The following OPA1 variants were observed in gnomAD, a reference collection of about 807,000 sequenced individuals.
The protein encoded by OPA1 is dynamin-like GTPase OPA1, mitochondrial.
OPA1 carries 59 observed loss-of-function variants against 152.9 expected under a neutral mutation model. The ratio of observed to expected loss-of-function variants is 0.39; its 90% CI spans 0.31 to 0.48. The LOEUF (loss-of-function observed/expected upper bound fraction) is 0.48, where lower values mean the gene tolerates loss of function less well. Ranked by LOEUF, OPA1 falls within the 20% of genes least tolerant of loss-of-function variation. OPA1 has a pLI of 0.96. For synonymous variants in OPA1, 400 were observed against 389.9 expected, an observed-to-expected ratio of 1.03 and a Z score of -0.31; for missense variants, 1,008 against 1,216.8, an observed-to-expected ratio of 0.83 and a Z score of 2.55.
At chr3:193,648,551 C>A in intron 20 of OPA1, 1 of 458,054 alleles carries the variant, frequency 2.2e-6, no homozygotes, top group East Asian at 4.3e-5. Flanking sequence ...ATAACGTGAA[C>A]AAGTGTTATG....
rs1435891444 is a variant in OPA1, at chr3:193,647,957, A to G, written c.1871-113A>G. ...AGATCCCAGAGTACTAAGGGGTCAT[A>G]GGCGCACTCTCAGAAATTCAGTTAA... On this transcript the variant is annotated intron_variant, in intron 19 of 30. Coordinates refer to ENST00000361510, the MANE Select transcript of OPA1 (RefSeq NM_130837.3). The G allele has an allele frequency of 4.0e-6, 3 of 756,736 alleles. No individual in the cohort carries two copies. In the African/African-American group the frequency reaches 5.2e-5, roughly 13 times the overall value. 46.9% of individuals were successfully genotyped at this position (756,736 alleles called of 1,614,324 possible).
chr3:193,629,358 A>C (rs1731705130), intron 7 of OPA1, among the ~76,000 whole-genome samples: 1 of 152,192 alleles, frequency 6.6e-6, no homozygotes, highest in Non-Finnish European at 1.5e-5. Flanking sequence ...AAATTTATAA[A>C]CATCTTAACA....
At chr3:193,693,052 T>C (rs1037135689) in intron 30 of OPA1, among the ~76,000 whole-genome samples, 1 of 152,276 alleles carries the variant, frequency 6.6e-6, no homozygotes. Flanking sequence ...TTTGTCACTT[T>C]TGTCTGTGAC....
intron 21 of OPA1, among the ~76,000 whole-genome samples, chr3:193,650,241 A>G (rs1560384820): frequency 6.6e-6 from 1 of 152,208 alleles, no homozygotes; most frequent in East Asian, 1.9e-4. Flanking sequence ...CAGATTGCCC[A>G]TTGAAAAGGC....
chr3:193,665,375 G>A (rs191260596), intron 27 of OPA1, among the ~76,000 whole-genome samples: 1 of 152,110 alleles, frequency 6.6e-6, no homozygotes, highest in Non-Finnish European at 1.5e-5. Flanking sequence ...GAGACAGAGA[G>A]GGAAAGAGAA....
chr3:193,641,572 G>A (rs1274100918), intron 11 of OPA1, among the ~76,000 whole-genome samples: 1 of 152,184 alleles, frequency 6.6e-6, no homozygotes, highest in Non-Finnish European at 1.5e-5. Context: ...TCAACCCAGT[G>A]AAACTGCTAC....
intron 29 of OPA1, among the ~76,000 whole-genome samples, chr3:193,681,087 T>C (rs1339445547): frequency 6.6e-6 from 1 of 152,154 alleles, no homozygotes; most frequent in Admixed American, 6.5e-5. Flanking sequence ...TGAAAATAAG[T>C]ATTGTAGGAA....
At chr3:193,609,905 T>C (rs557385517) in intron 1 of OPA1, among the ~76,000 whole-genome samples, 2 of 152,340 alleles carry the variant, frequency 1.3e-5, no homozygotes, top group South Asian at 4.1e-4. Flanking sequence ...CTTTAAGGAC[T>C]TCTCTGCATT....
intron 6 of OPA1, among the ~76,000 whole-genome samples, chr3:193,625,161 T>C (rs1455792780): frequency 6.6e-6 from 1 of 152,112 alleles, no homozygotes; most frequent in Non-Finnish European, 1.5e-5. Flanking sequence ...AATAAAGCTA[T>C]GCAGGAAATG....
At chr3:193,594,540 A>T (rs911424673) in intron 1 of OPA1, among the ~76,000 whole-genome samples, 16 of 152,306 alleles carry the variant, frequency 1.1e-4, no homozygotes, top group African/African-American at 3.6e-4. Flanking sequence ...GGCACGCGCC[A>T]GCACGCCTAG....
rs142520373 is a variant in OPA1 at position 193,647,072 on chromosome 3, A to G, written c.1762A>G (p.Met588Val). The part of the protein sequence containing the change: ...FQNSKLLKTS[M>V]LKAHQVTTRN... ...GTTATTTTTTTTTAATAGGACAAGC[A>G]TGCTAAAGGCACACCAAGTGACTAC... is the stretch of plus-strand genomic sequence containing the variant. Residue 588 changes from methionine (M) to valine (V), a missense_variant, in exon 19 of 31, where the codon ATG (methionine) becomes GTG (valine). Around this residue, in one of 7 missense-constraint regions of OPA1, gnomAD observed 213 missense variants for 291.4 expected, o/e 0.73. Transcript: ENST00000361510. 20 of 1,607,894 alleles carry G rather than the reference A, an allele frequency of 1.2e-5. No individual in the cohort carries two copies. Among genetic ancestry groups the G allele is most frequent in the Non-Finnish European group, 1.7e-5 (20 of 1,175,964 alleles).
At chr3:193,634,033 C>G (rs1247911011) in intron 8 of OPA1, among the ~76,000 whole-genome samples, 2 of 152,102 alleles carry the variant, frequency 1.3e-5, no homozygotes, top group African/African-American at 4.8e-5. Context: ...AGGATAGAAC[C>G]ATGATTTCCT....
At position 193,654,727 on chromosome 3, in the gene OPA1, G is replaced by A. The variant is rs1215752550; in HGVS notation, c.2013-135G>A. 11 of 842,292 alleles carry A rather than the reference G, an allele frequency of 1.3e-5. No individual in the cohort carries two copies. The South Asian group carries it at 1.8e-4, about 14-fold the overall frequency. The allele number at this position is 842,292 out of a possible 1,614,324, so 52.2% of individuals were successfully genotyped here. ...TTATCTTGACTGGTGCGATTTACAGGTATATACACATGTGAAAACTTATCA... is the reference window on the plus strand; with the variant it reads ...TTATCTTGACTGGTGCGATTTACAGATATATACACATGTGAAAACTTATCA... On this transcript the variant is annotated intron_variant, in intron 21 of 30. Transcript: ENST00000361510.
chr3:193,681,606 G>C (rs1024145638), intron 29 of OPA1, among the ~76,000 whole-genome samples: 1 of 152,176 alleles, frequency 6.6e-6, no homozygotes, highest in Admixed American at 6.5e-5. Context: ...AACAATAGAA[G>C]TTTTGTGGCA....
intron 22 of OPA1, 26 bp downstream of exon 22, chr3:193,655,053 G>A (rs1217720588): frequency 1.2e-6 from 2 of 1,602,888 alleles, no homozygotes; most frequent in Admixed American, 1.7e-5. Context: ...AATTAAATGG[G>A]TAAGAAGCAT....
At position 193,641,255 on chromosome 3, in the gene OPA1, G is replaced by A. The variant is rs1161555443; in HGVS notation, c.1150-1510G>A. ...AGGTTTCCTTGAAACAGATGAGGCT[G>A]GTCTCTTTCCGGTTTGTCATTAGTC... On this transcript the variant is annotated intron_variant, in intron 11 of 30. Coordinates refer to ENST00000361510, the MANE Select transcript of OPA1 (RefSeq NM_130837.3). Among the ~76,000 whole-genome samples the A allele has an allele frequency of 2.6e-5, 4 of 152,092 alleles. No homozygotes were observed. The East Asian group carries it at 7.7e-4, about 29-fold the overall frequency.
chr3:193,655,034 A>G lies in OPA1; in HGVS notation c.2178+7A>G, dbSNP rs940408484. On this transcript the variant is annotated splice_region_variant and intron_variant, in intron 22 of 30. Coordinates refer to ENST00000361510, the MANE Select transcript of OPA1 (RefSeq NM_130837.3). ...TCCTAATAAAGCAGTAGAGGTTAGG[A>G]TATAATTTAATTAAATGGGTAAGAA... The G allele has an allele frequency of 1.2e-6, 2 of 1,612,136 alleles. No individual in the cohort carries two copies. The highest frequency in any genetic ancestry group is 2.7e-5 in the African/African-American group (2 of 74,898).
intron 29 of OPA1, among the ~76,000 whole-genome samples, chr3:193,677,803 A>G (rs548498939): frequency 6.6e-6 from 1 of 152,338 alleles, no homozygotes; most frequent in East Asian, 1.9e-4. Context: ...CGAAGCTAAT[A>G]CACGATGTGC....
chr3:193,634,017 G>T (rs572154615), intron 8 of OPA1, among the ~76,000 whole-genome samples: 1 of 152,266 alleles, frequency 6.6e-6, no homozygotes, highest in South Asian at 2.1e-4. Flanking sequence ...AGTTGGACTT[G>T]CTGTAAGGAT....
Sources: allele counts gnomAD v4.1 joint callset (sites outside exome capture counted in the v4.1 genomes callset), GRCh38; gene constraint gnomAD v4.1.1; regional missense constraint gnomAD v4.1.1; transcripts MANE v1.5; gene names NCBI Gene and HGNC (gene_info 2026-07-23, HGNC 2026-07-21).